TXNDC5: variants seen among roughly 807,000 people sequenced by gnomAD.
TXNDC5 encodes the protein thioredoxin domain containing 5, also known as thioredoxin domain-containing protein 5.
Under a neutral mutation model 52.6 loss-of-function variants are expected in TXNDC5, and 44 were observed. The ratio of observed to expected loss-of-function variants is 0.84; its 90% CI spans 0.66 to 1.08. The LOEUF is 1.08. TXNDC5 is among the 50% of genes least tolerant of loss of function. TXNDC5 has a pLI of 0.00. For missense variants in TXNDC5, 600 were observed against 565.5 expected (o/e 1.06, Z -0.62); for synonymous variants, 241 against 234.4 (o/e 1.03, Z -0.26).
intron 4 of TXNDC5, among the ~76,000 whole-genome samples, chr6:7,892,400 AG>A (rs1289230084): frequency 2.0e-5 from 3 of 152,390 alleles, no homozygotes; most frequent in South Asian, 4.1e-4. Context: ...TCAGCAAGAA[AG>A]ATAAAGAGAT....
chr6:7,904,753 G>C (rs1760682064), intron 1 of TXNDC5, 30 bp from the exon 2 acceptor site: 2 of 1,613,868 alleles, frequency 1.2e-6, no homozygotes, highest in South Asian at 2.2e-5. Context: ...CAAGCACATT[G>C]AGTATCAGGT....
intron 8 of TXNDC5, 84 bp from the exon 9 acceptor site, chr6:7,884,572 T>C (rs1383424596): frequency 3.8e-6 from 6 of 1,590,706 alleles, no homozygotes; most frequent in Non-Finnish European, 5.2e-6. Flanking sequence ...AAGCTCTGTT[T>C]CTTCTGTATG....
intron 3 of TXNDC5, among the ~76,000 whole-genome samples, chr6:7,897,022 G>T (rs1483545194): frequency 6.6e-6 from 1 of 151,992 alleles, no homozygotes; most frequent in Non-Finnish European, 1.5e-5. Context: ...AAGAAGGGGG[G>T]GTGGAAAGTC....
intron 1 of TXNDC5, chr6:7,909,892 C>A (rs1760857343): frequency 1.0e-6 from 1 of 985,920 alleles, no homozygotes; most frequent in South Asian, 4.7e-5. Flanking sequence ...CCGGTGGCCG[C>A]GGCAGCAGCA....
At chr6:7,886,170 A>G (rs1759974590) in intron 7 of TXNDC5, 127 bp from the exon 8 acceptor site, 1 of 733,986 alleles carries the variant, frequency 1.4e-6, no homozygotes, top group Non-Finnish European at 2.3e-6. Context: ...CCAAGGTCAC[A>G]CAGAAATACC....
rs145571814 is a variant in TXNDC5 at position 7,889,705 on chromosome 6, GC to G, written c.733-125del. The G allele has an allele frequency of 6.3e-3, 4,379 of 694,536 alleles. 153 individuals are homozygous for G. The African/African-American group carries it at 0.069, about 11-fold the overall frequency. The allele number at this position is 694,536 out of a possible 1,614,324, so 43.0% of individuals were successfully genotyped here. A position where few individuals can be genotyped will look rare whatever the true frequency, so the allele number is the denominator to read the frequency against. ...AAAATCCACATTCTGTAGCAACTCT[GC>G]CAGCAAGGTGCAGTTTTTGAAGAGA... On this transcript the variant is annotated intron_variant, in intron 5 of 9. Coordinates refer to ENST00000379757, the MANE Select transcript of TXNDC5 (RefSeq NM_030810.5).
At chr6:7,903,336 G>A (rs1760631512) in intron 2 of TXNDC5, among the ~76,000 whole-genome samples, 1 of 152,164 alleles carries the variant, frequency 6.6e-6, no homozygotes, top group Non-Finnish European at 1.5e-5. Flanking sequence ...CCCAAATTAT[G>A]GCACTTACAT....
At chr6:7,901,967 C>G (rs1410882393) in intron 2 of TXNDC5, among the ~76,000 whole-genome samples, 1 of 152,114 alleles carries the variant, frequency 6.6e-6, no homozygotes, top group African/African-American at 2.4e-5. Flanking sequence ...AATGAGGTCA[C>G]TAGGATGGGC....
chr6:7,888,108 G>C (rs1416679478), intron 7 of TXNDC5, among the ~76,000 whole-genome samples: 1 of 152,176 alleles, frequency 6.6e-6, no homozygotes, highest in African/African-American at 2.4e-5. Context: ...TGGTGGCCTA[G>C]AACAGTGCCT....
At chr6:7,896,742 T>C (rs559935549) in intron 3 of TXNDC5, among the ~76,000 whole-genome samples, 1 of 152,340 alleles carries the variant, frequency 6.6e-6, no homozygotes, top group South Asian at 2.1e-4. Context: ...TTCAAGGGCC[T>C]TTCAGTATGA....
chr6:7,909,453 G>A (rs992350277), intron 1 of TXNDC5, among the ~76,000 whole-genome samples: 5 of 152,238 alleles, frequency 3.3e-5, no homozygotes, highest in Non-Finnish European at 7.3e-5. Context: ...TGAATGACAG[G>A]AAGCTCTTCC....
chr6:7,910,757 C>T lies in TXNDC5; in HGVS notation c.20G>A (p.Arg7His), dbSNP rs1199197069. 2 of 999,806 alleles carry T rather than the reference C, an allele frequency of 2.0e-6. No individual in the cohort carries two copies. The highest frequency in any genetic ancestry group is 4.5e-5 in the South Asian group (1 of 22,438). 61.9% of individuals were successfully genotyped at this position (999,806 alleles called of 1,614,324 possible). A position where few individuals can be genotyped will look rare whatever the true frequency, so the allele number is the denominator to read the frequency against. Residue 7 changes from arginine (R) to histidine (H), a missense_variant, in exon 1 of 10, where the codon CGC becomes CAC. Coordinates refer to ENST00000379757, the MANE Select transcript of TXNDC5 (RefSeq NM_030810.5). ...CGGCCGGGCCAGCAGCGGGAGGAGG[C>T]GTCCTGGGCGCGCGGGCATCGCGGC... Reference protein sequence around the residue: MPARPGRLLPLLARPAA... With the variant: MPARPGHLLPLLARPAA...
In TXNDC5 at chr6:7,891,713, C is replaced by T. The variant is rs758889890; in HGVS notation, c.640G>A (p.Ala214Thr). ...AQGDHFIKFF[A>T]PWCGHCKALA... ...GCTTTGCAGTGACCACACCACGGAG[C>T]GAAGAACTTGATAAAGTGGTCGCCT... Residue 214 changes from alanine to threonine, a missense_variant, in exon 5 of 10, where the codon GCT becomes ACT. By Grantham distance (58) the Ala-to-Thr change is moderately conservative. Coordinates refer to ENST00000379757, the MANE Select transcript of TXNDC5 (RefSeq NM_030810.5). 6.2e-6 allele frequency: 10 copies of T among 1,613,634 alleles called. No homozygotes were observed. In the South Asian group the frequency reaches 6.6e-5, roughly 11 times the overall value.
intron 1 of TXNDC5, among the ~76,000 whole-genome samples, chr6:7,905,231 AC>A (rs1760695060): frequency 6.6e-6 from 1 of 152,136 alleles, no homozygotes; most frequent in African/African-American, 2.4e-5. Flanking sequence ...GCTGTTCAGC[AC>A]CCATTCTCTT....
intron 1 of TXNDC5, chr6:7,910,182 C>T (rs1760868350): frequency 3.1e-6 from 3 of 982,272 alleles, no homozygotes; most frequent in African/African-American, 1.8e-5. Flanking sequence ...CGCCAGTGCC[C>T]GGCCCGCTGA....
At chr6:7,910,435 C>A in intron 1 of TXNDC5, 79 bp downstream of exon 1, 1 of 1,260,668 alleles carries the variant, frequency 7.9e-7, no homozygotes, top group Non-Finnish European at 1.0e-6. Context: ...CCCCGGGACC[C>A]CCCGCCCGCG....
chr6:7,883,065 C>A lies in TXNDC5; in HGVS notation c.*79G>T. 6.3e-7 allele frequency: 1 copy of A among 1,595,866 alleles called. No individual in the cohort carries two copies. Among genetic ancestry groups the A allele is most frequent in the Non-Finnish European group, 8.6e-7 (1 of 1,167,678 alleles). On this transcript the variant is annotated 3_prime_UTR_variant, in exon 10 of 10. Coordinates refer to ENST00000379757, the MANE Select transcript of TXNDC5 (RefSeq NM_030810.5). ...CTTTCTGAACAGCCACCACTGGGAA[C>A]CCAGTGGCCTCTGTGGGACTGAACT...
At chr6:7,893,438 A>T (rs1005895897) in intron 4 of TXNDC5, among the ~76,000 whole-genome samples, 2 of 152,174 alleles carry the variant, frequency 1.3e-5, no homozygotes, top group Non-Finnish European at 2.9e-5. Flanking sequence ...GAACCTAATC[A>T]GAGTACTGAT....
chr6:7,894,890 T>G, intron 4 of TXNDC5: 1 of 985,430 alleles, frequency 1.0e-6, no homozygotes, highest in Non-Finnish European at 1.2e-6. Context: ...TGCTTAGCAT[T>G]AGACTCGGCG....
Sources: gnomAD v4.1 joint callset for allele counts (sites outside exome capture counted in the v4.1 genomes callset) on GRCh38, gnomAD v4.1.1 for gene constraint, MANE v1.5 for transcripts, NCBI Gene and HGNC (gene_info 2026-07-23, HGNC 2026-07-21) for gene names.